Variants in FAM13A observed in about 807,000 individuals in gnomAD.
The protein encoded by FAM13A is protein FAM13A.
A neutral mutation model predicts 129.6 loss-of-function variants in FAM13A; 76 were observed. That is an observed-to-expected ratio of 0.59 (90% CI 0.49 to 0.71). The LOEUF is 0.71. FAM13A is among the 30% of genes least tolerant of loss of function. FAM13A has a pLI of 0.00. For missense variants in FAM13A, 1,108 were observed against 1,249.3 expected (o/e 0.89, Z 1.70); for synonymous variants, 443 against 449.9 (o/e 0.98, Z 0.20).
chr4:88,823,379 TTCC>T (rs1732425301), intron 7 of FAM13A: 15 of 950,612 alleles, frequency 1.6e-5, no homozygotes, highest in East Asian at 9.3e-5. Context: ...CCTCCTCCTC[TTCC>T]TCCTCCTCCT....
rs1160966421 is a variant in FAM13A, at chr4:88,739,469, A to T, written c.2467-344T>A. 3.3e-5 allele frequency among the ~76,000 whole-genome samples: 5 copies of T among 151,756 alleles called. 1 individual carries two copies. Among genetic ancestry groups the T allele is most frequent in the African/African-American group, 9.7e-5 (4 of 41,284 alleles). ...GAGCCCAGGGAAAGTGAAAGCATAT[A>T]TCTGCTATAAGACGTATCATGTAGG... On this transcript the variant is annotated intron_variant, in intron 19 of 23. Transcript: ENST00000264344.
intron 7 of FAM13A, among the ~76,000 whole-genome samples, chr4:88,835,327 A>G (rs1734634687): frequency 6.6e-6 from 1 of 152,144 alleles, no homozygotes; most frequent in Non-Finnish European, 1.5e-5. Flanking sequence ...TGATTTGTCC[A>G]TTCAGTGGAT....
chr4:88,889,664 G>A (rs1745025718), intron 6 of FAM13A, among the ~76,000 whole-genome samples: 2 of 152,146 alleles, frequency 1.3e-5, no homozygotes, highest in South Asian at 4.2e-4. Context: ...TATCACTTCT[G>A]TGCTGTGGCG....
intron 1 of FAM13A, among the ~76,000 whole-genome samples, chr4:89,054,158 G>A (rs951700014): frequency 2.0e-5 from 3 of 152,016 alleles, no homozygotes; most frequent in African/African-American, 7.2e-5. Flanking sequence ...CTAACAACAT[G>A]GCAAAGAGTT....
chr4:88,923,589 C>T (rs932288263), intron 5 of FAM13A, among the ~76,000 whole-genome samples: 2 of 152,132 alleles, frequency 1.3e-5, no homozygotes, highest in African/African-American at 4.8e-5. Context: ...AACCCACAGC[C>T]AATATCATAC....
intron 5 of FAM13A, among the ~76,000 whole-genome samples, chr4:88,930,454 C>T (rs867290177): frequency 3.1e-4 from 47 of 152,248 alleles, no homozygotes; most frequent in African/African-American, 1.1e-3. Flanking sequence ...CAGCAATACA[C>T]AGGGTCAGTG....
chr4:88,992,347 A>T (rs1029404913), intron 3 of FAM13A, among the ~76,000 whole-genome samples: 5 of 151,144 alleles, frequency 3.3e-5, no homozygotes, highest in African/African-American at 1.2e-4. Context: ...GCTCACTGCA[A>T]CCTCTGCCTC....
At chr4:88,808,944 C>T (rs1367254025) in intron 7 of FAM13A, among the ~76,000 whole-genome samples, 1 of 152,118 alleles carries the variant, frequency 6.6e-6, no homozygotes, top group African/African-American at 2.4e-5. Context: ...TAAGAAGCTA[C>T]AACTAAGAAT....
chr4:88,805,585 C>G (rs539570433), intron 7 of FAM13A, among the ~76,000 whole-genome samples: 34 of 152,190 alleles, frequency 2.2e-4, no homozygotes, highest in African/African-American at 7.9e-4. Context: ...GTGTGTATAA[C>G]ATGAAAGGAC....
chr4:88,850,953 T>C, intron 7 of FAM13A, 67 bp downstream of exon 7: 1 of 1,402,334 alleles, frequency 7.1e-7, no homozygotes, highest in Non-Finnish European at 1.0e-6. Context: ...AATACCTACA[T>C]ATGCGGGCCT....
chr4:88,743,470 A>T (rs945947118), intron 19 of FAM13A, among the ~76,000 whole-genome samples: 1 of 152,220 alleles, frequency 6.6e-6, no homozygotes, highest in African/African-American at 2.4e-5. Context: ...GAGCTAGAAA[A>T]GCCTTATTTT....
intron 6 of FAM13A, among the ~76,000 whole-genome samples, chr4:88,896,114 T>C (rs1246475853): frequency 6.6e-6 from 1 of 151,792 alleles, no homozygotes; most frequent in Admixed American, 6.6e-5. Context: ...GTTCATGTCC[T>C]TTGTAGGGAC....
chr4:88,826,789 A>C (rs1459282332), intron 7 of FAM13A, among the ~76,000 whole-genome samples: 1 of 152,136 alleles, frequency 6.6e-6, no homozygotes. Context: ...CCTCACATAT[A>C]GGTCTCAAGC....
intron 5 of FAM13A, chr4:88,937,371 C>T (rs1253318488): frequency 6.6e-6 from 1 of 152,180 alleles, no homozygotes; most frequent in Middle Eastern, 3.4e-3. Context: ...AATCTCATAC[C>T]AGCTCCATCA....
At chr4:88,995,531 C>G (rs762303249) in intron 3 of FAM13A, among the ~76,000 whole-genome samples, 1 of 152,202 alleles carries the variant, frequency 6.6e-6, no homozygotes, top group Non-Finnish European at 1.5e-5. Flanking sequence ...CATCAGACTT[C>G]AAGTTCTTCA....
At chr4:88,737,348 G>A in intron 21 of FAM13A, 124 bp downstream of exon 21, 1 of 763,320 alleles carries the variant, frequency 1.3e-6, no homozygotes, top group African/African-American at 1.7e-5. Flanking sequence ...TGATTTTTAG[G>A]GAATGCTGTA....
chr4:88,902,543 T>C (rs1401625756), intron 6 of FAM13A, among the ~76,000 whole-genome samples: 1 of 151,796 alleles, frequency 6.6e-6, no homozygotes, highest in African/African-American at 2.4e-5. Flanking sequence ...GAAGGGGCCT[T>C]TGATAAAATT....
Position 88,928,058 on chromosome 4 carries a change from T to A in FAM13A, c.759+10030A>T, listed in dbSNP as rs892442222. ...TTTCATTTTCATCTGATTCAAAAAA[T>A]TTAAAATTTCTGTCTTAATTTCTTC... On this transcript the variant is annotated intron_variant, in intron 5 of 23. Transcript: ENST00000264344. Among the ~76,000 whole-genome samples, 4 of 152,150 alleles carry A rather than the reference T, an allele frequency of 2.6e-5. No individual in the cohort carries two copies. The South Asian group carries it at 8.3e-4, about 32-fold the overall frequency.
chr4:89,045,521 T>C (rs1560940861), intron 1 of FAM13A, among the ~76,000 whole-genome samples: 1 of 152,222 alleles, frequency 6.6e-6, no homozygotes, highest in Non-Finnish European at 1.5e-5. Context: ...TGAGTTTACA[T>C]ATTGAAAGGC....
Sources: allele counts gnomAD v4.1 joint callset (sites outside exome capture counted in the v4.1 genomes callset), GRCh38; gene constraint gnomAD v4.1.1; transcripts MANE v1.5; gene names NCBI Gene and HGNC (gene_info 2026-07-23, HGNC 2026-07-21).